Variants in GRIA1 observed in about 807,000 individuals in gnomAD.
GRIA1 encodes the protein glutamate ionotropic receptor AMPA type subunit 1, also known as glutamate receptor 1.
Under a neutral mutation model 99.2 loss-of-function variants are expected in GRIA1, and 31 were observed. That is an observed-to-expected ratio of 0.31 (90% confidence interval 0.23 to 0.42). GRIA1 has a LOEUF of 0.42. Ranked by LOEUF, GRIA1 falls within the 10% of genes least tolerant of loss-of-function variation. GRIA1 has a pLI of 1.00. For missense variants in GRIA1, 782 were observed against 1,157.5 expected (o/e 0.68, Z 4.71); for synonymous variants, 438 against 432.4 (o/e 1.01, Z -0.16).
chr5:153,524,012 A>G (rs893994005), intron 2 of GRIA1, among the ~76,000 whole-genome samples: 3 of 152,200 alleles, frequency 2.0e-5, no homozygotes, highest in African/African-American at 7.2e-5. Context: ...AATAGTTGGA[A>G]TCTGGATGTA....
intron 8 of GRIA1, among the ~76,000 whole-genome samples, chr5:153,695,354 G>T (rs530677276): frequency 1.3e-5 from 2 of 152,306 alleles, no homozygotes; most frequent in South Asian, 2.1e-4. Flanking sequence ...CAGCTAGAAG[G>T]CTCCTTGAGA....
At chr5:153,803,138 T>C (rs1476669483) in intron 15 of GRIA1, among the ~76,000 whole-genome samples, 1 of 152,178 alleles carries the variant, frequency 6.6e-6, no homozygotes, top group East Asian at 1.9e-4. Flanking sequence ...CAAGAACAGA[T>C]GACTAAAGGT....
chr5:153,492,346 C>T (rs1399625705), intron 1 of GRIA1: 10 of 1,501,056 alleles, frequency 6.7e-6, no homozygotes, highest in Non-Finnish European at 8.0e-6. Flanking sequence ...ACACGCAAAA[C>T]TTCCTGCCTT....
At chr5:153,711,978 GC>G (rs1759344491) in intron 11 of GRIA1, among the ~76,000 whole-genome samples, 2 of 152,214 alleles carry the variant, frequency 1.3e-5, no homozygotes, top group Admixed American at 1.3e-4. Context: ...GAAGTCTAAG[GC>G]GGGGGGAGTG....
At chr5:153,506,969 CA>C (rs1412128482) in intron 2 of GRIA1, among the ~76,000 whole-genome samples, 1 of 151,810 alleles carries the variant, frequency 6.6e-6, no homozygotes, top group Admixed American at 6.6e-5. Flanking sequence ...CTAAAAAATA[CA>C]AAAAATAGCT....
In GRIA1 at chr5:153,766,335, G is replaced by A. The variant is rs546243856; in HGVS notation, c.2022+1703G>A. Among the ~76,000 whole-genome samples the A allele has an allele frequency of 3.5e-4, 53 of 152,274 alleles. 1 individual carries two copies. The highest frequency in any genetic ancestry group is 2.1e-3 in the South Asian group (10 of 4,822). On this transcript the variant is annotated intron_variant, in intron 12 of 15. Coordinates refer to ENST00000285900, the MANE Select transcript of GRIA1 (RefSeq NM_000827.4). ...CCTGCAACAAAAGTGTGAAGAAGGT[G>A]CCTGTTTCTACTTGTCCATAAAGCC... is the stretch of plus-strand genomic sequence containing the variant.
intron 2 of GRIA1, among the ~76,000 whole-genome samples, chr5:153,528,422 A>C (rs1039264962): frequency 6.6e-6 from 1 of 152,152 alleles, no homozygotes; most frequent in African/African-American, 2.4e-5. Context: ...TTTTAAGGGT[A>C]CAGGCTCAGA....
At chr5:153,622,860 G>A (rs1029234677) in intron 2 of GRIA1, among the ~76,000 whole-genome samples, 2 of 152,134 alleles carry the variant, frequency 1.3e-5, no homozygotes, top group Non-Finnish European at 2.9e-5. Flanking sequence ...GAAGAAATTA[G>A]CCTATTACTG....
chr5:153,778,543 C>G (rs528876788), intron 13 of GRIA1, among the ~76,000 whole-genome samples: 1 of 152,040 alleles, frequency 6.6e-6, no homozygotes, highest in Admixed American at 6.5e-5. Flanking sequence ...GATTCCAGAC[C>G]TCTTCTCACC....
In GRIA1 at chr5:153,650,540, G is replaced by A. The variant is rs201416279; in HGVS notation, c.645+26G>A. On this transcript the variant is annotated intron_variant, in intron 4 of 15. Transcript: ENST00000285900. ...GTAGTGAAAGCAGCAAGGGCTCAGG[G>A]TGGGTGCGGGAGGTGATTCAGGAAT... The A allele has an allele frequency of 1.8e-4, 297 of 1,608,820 alleles. 1 individual carries two copies. In the East Asian group the frequency reaches 4.8e-3, roughly 26 times the overall value.
At chr5:153,599,006 C>G (rs1392495520) in intron 2 of GRIA1, among the ~76,000 whole-genome samples, 2 of 152,238 alleles carry the variant, frequency 1.3e-5, no homozygotes, top group African/African-American at 4.8e-5. Context: ...CTCAGCCTCC[C>G]GAGCAGCTGG....
At chr5:153,621,491 G>C (rs1314856029) in intron 2 of GRIA1, among the ~76,000 whole-genome samples, 2 of 152,140 alleles carry the variant, frequency 1.3e-5, no homozygotes, top group Non-Finnish European at 2.9e-5. Context: ...CATGAAAGCA[G>C]CTGAAACTCA....
intron 2 of GRIA1, among the ~76,000 whole-genome samples, chr5:153,517,210 T>C (rs1756708978): frequency 6.6e-6 from 1 of 152,176 alleles, no homozygotes; most frequent in Admixed American, 6.5e-5. Flanking sequence ...GGAGAAAACA[T>C]TCACTCTTTC....
At chr5:153,751,846 C>T (rs1762530246) in intron 11 of GRIA1, among the ~76,000 whole-genome samples, 1 of 152,156 alleles carries the variant, frequency 6.6e-6, no homozygotes, top group Non-Finnish European at 1.5e-5. Context: ...AGATCCTTTG[C>T]AAAAAGAGAC....
intron 2 of GRIA1, among the ~76,000 whole-genome samples, chr5:153,540,900 G>GGAATTGAATT (rs1759021346): frequency 6.6e-6 from 1 of 152,142 alleles, no homozygotes. Context: ...AGTAGCTTTG[G>GGAATTGAATT]GAATTGAATG....
At chr5:153,680,596 C>T (rs973307428) in intron 7 of GRIA1, among the ~76,000 whole-genome samples, 1 of 152,088 alleles carries the variant, frequency 6.6e-6, no homozygotes, top group African/African-American at 2.4e-5. Flanking sequence ...ATTTAGAATA[C>T]CTCCCCTAAA....
intron 2 of GRIA1, among the ~76,000 whole-genome samples, chr5:153,539,817 A>G (rs2113481017): frequency 6.6e-6 from 1 of 152,340 alleles, no homozygotes. Flanking sequence ...CATCACCTTA[A>G]AGCCTGTATG....
chr5:153,739,666 C>A (rs767223767), intron 11 of GRIA1, among the ~76,000 whole-genome samples: 7 of 152,302 alleles, frequency 4.6e-5, no homozygotes, highest in Admixed American at 2.0e-4. Flanking sequence ...CCCTGAAGAC[C>A]AGGCAAATAC....
At chr5:153,523,598 G>T (rs999733645) in intron 2 of GRIA1, among the ~76,000 whole-genome samples, 3 of 151,988 alleles carry the variant, frequency 2.0e-5, no homozygotes, top group Admixed American at 6.6e-5. Flanking sequence ...TAAATTTCAG[G>T]TCTGTCATTG....
Sources: allele counts gnomAD v4.1 joint callset (sites outside exome capture counted in the v4.1 genomes callset), GRCh38; gene constraint gnomAD v4.1.1; transcripts MANE v1.5; gene names NCBI Gene and HGNC (gene_info 2026-07-23, HGNC 2026-07-21).